Variants in DNAJB6 observed in about 807,000 individuals in gnomAD.
The protein encoded by DNAJB6 is DnaJ heat shock protein family (Hsp40) member B6, also known as dnaJ homolog subfamily B member 6.
Under a neutral mutation model 42.7 loss-of-function variants are expected in DNAJB6, and 16 were observed. The observed-to-expected ratio is 0.37, with a 90% CI of 0.25 to 0.57. The LOEUF is 0.57. Ranked by LOEUF, DNAJB6 falls within the 20% of genes least tolerant of loss-of-function variation. DNAJB6 has a pLI of 0.74. For missense variants in DNAJB6, 347 were observed against 416.8 expected, an observed-to-expected ratio of 0.83 and a Z score of 1.46; for synonymous variants, 170 against 163.5, an observed-to-expected ratio of 1.04 and a Z score of -0.30.
chr7:157,360,365 C>T (rs912940239), intron 2 of DNAJB6, among the ~76,000 whole-genome samples: 7 of 152,184 alleles, frequency 4.6e-5, no homozygotes, highest in Non-Finnish European at 1.0e-4. Context: ...CTGGGTCCCT[C>T]GCATAACACC....
At chr7:157,359,319 C>A (rs139472199) in intron 2 of DNAJB6, among the ~76,000 whole-genome samples, 144 of 152,292 alleles carry the variant, frequency 9.5e-4, no homozygotes, top group African/African-American at 3.3e-3. Context: ...TACTGCTAGA[C>A]TTAGTGGGTC....
intron 5 of DNAJB6, among the ~76,000 whole-genome samples, chr7:157,371,315 A>G (rs1378626228): frequency 6.6e-6 from 1 of 152,242 alleles, no homozygotes; most frequent in Non-Finnish European, 1.5e-5. Context: ...GCTGTAAGAT[A>G]TTTCCGAGCT....
intron 8 of DNAJB6, 62 bp downstream of exon 8, chr7:157,385,673 TTAAAC>T (rs1801018979): frequency 6.2e-7 from 1 of 1,603,962 alleles, no homozygotes; most frequent in Non-Finnish European, 8.5e-7. Flanking sequence ...AACAGAAATG[TTAAAC>T]TATAACAAGC....
chr7:157,355,805 G>A (rs1266793029), intron 1 of DNAJB6, among the ~76,000 whole-genome samples: 1 of 152,190 alleles, frequency 6.6e-6, no homozygotes, highest in Non-Finnish European at 1.5e-5. Context: ...ATGGAGTGCT[G>A]CATGAATACC....
At chr7:157,352,742 G>A (rs1459684339) in intron 1 of DNAJB6, among the ~76,000 whole-genome samples, 2 of 152,122 alleles carry the variant, frequency 1.3e-5, no homozygotes, top group Non-Finnish European at 2.9e-5. Context: ...GGAGCTCAGG[G>A]CTTTCTTCCC....
chr7:157,346,316 TAAAAAAAAA>T lies in DNAJB6; in HGVS notation c.-27+9185_-27+9193del, dbSNP rs60806134. Among the ~76,000 whole-genome samples the T allele has an allele frequency of 4.0e-3, 471 of 117,724 alleles. 16 individuals carry two copies. The highest frequency in any genetic ancestry group is 1.6e-3 in the African/African-American group (53 of 33,670). 77.2% of individuals were successfully genotyped at this position (117,724 alleles called of 152,430 possible). ...GGTAGCCCTGCTCTGCAAGGAGTAG[TAAAAAAAAA>T]AAAAAAAAAAAAGTTAAAGATACAA... On this transcript the variant is annotated intron_variant, in intron 1 of 9. Coordinates refer to ENST00000262177, the MANE Select transcript of DNAJB6 (RefSeq NM_058246.4).
chr7:157,349,489 C>CT (rs58835521), intron 1 of DNAJB6, among the ~76,000 whole-genome samples: 63,161 of 148,462 alleles, frequency 0.43, 14,740 homozygotes, highest in East Asian at 0.62. Context: ...AGTTTTATTA[C>CT]TTTTTTTTTT....
chr7:157,358,757 G>A (rs1799434425), intron 2 of DNAJB6, 120 bp downstream of exon 2: 5 of 753,394 alleles, frequency 6.6e-6, no homozygotes, highest in African/African-American at 1.8e-5. Flanking sequence ...GTCTTTGAAT[G>A]CCACATAGTT....
At chr7:157,391,321 A>C (rs1235196062) in intron 8 of DNAJB6, among the ~76,000 whole-genome samples, 2 of 152,236 alleles carry the variant, frequency 1.3e-5, no homozygotes, top group Non-Finnish European at 2.9e-5. Flanking sequence ...CCTCTTACCC[A>C]AAACTTCCAG....
chr7:157,381,375 T>C (rs1262675193), intron 5 of DNAJB6: 5 of 152,114 alleles, frequency 3.3e-5, no homozygotes, highest in Admixed American at 1.3e-4. Context: ...TTCCCATTTT[T>C]CTGAAAAAAT....
At chr7:157,349,835 G>A (rs997674428) in intron 1 of DNAJB6, among the ~76,000 whole-genome samples, 1 of 152,082 alleles carries the variant, frequency 6.6e-6, no homozygotes, top group African/African-American at 2.4e-5. Context: ...AGTAGAGACG[G>A]TTTCGTCATG....
At chr7:157,356,448 T>C (rs961031467) in intron 1 of DNAJB6, among the ~76,000 whole-genome samples, 1 of 152,202 alleles carries the variant, frequency 6.6e-6, no homozygotes, top group Non-Finnish European at 1.5e-5. Flanking sequence ...GACTCCTGTC[T>C]TTTCTCTAGA....
chr7:157,406,838 G>A lies in DNAJB6; in HGVS notation c.692-2957G>A, dbSNP rs1198074312. On this transcript the variant is annotated intron_variant, in intron 8 of 9. Transcript: ENST00000262177. ...CAAAATATCAGTCTTAAGTCTCAGC[G>A]GGGCCTTTTTCTAAACAGACGGTAA... Among the ~76,000 whole-genome samples, 4 of 152,320 alleles carry A rather than the reference G, an allele frequency of 2.6e-5. No homozygotes were observed. In the South Asian group the frequency reaches 6.2e-4, roughly 24 times the overall value.
chr7:157,350,341 A>C (rs1256067536), intron 1 of DNAJB6, among the ~76,000 whole-genome samples: 1 of 152,212 alleles, frequency 6.6e-6, no homozygotes, highest in Non-Finnish European at 1.5e-5. Flanking sequence ...ACTTGCCAAG[A>C]TAAAGCCCCC....
At chr7:157,389,924 A>G (rs988099975) in intron 8 of DNAJB6, among the ~76,000 whole-genome samples, 2 of 152,210 alleles carry the variant, frequency 1.3e-5, no homozygotes, top group Admixed American at 1.3e-4. Context: ...GGCCTGGGCA[A>G]GTTGCACACT....
chr7:157,343,306 C>T (rs1024886720), intron 1 of DNAJB6, among the ~76,000 whole-genome samples: 1 of 151,840 alleles, frequency 6.6e-6, no homozygotes, highest in African/African-American at 2.4e-5. Flanking sequence ...ACTACAGGCG[C>T]TCACCACCAT....
At chr7:157,359,634 G>A (rs1202220145) in intron 2 of DNAJB6, among the ~76,000 whole-genome samples, 1 of 152,080 alleles carries the variant, frequency 6.6e-6, no homozygotes, top group Admixed American at 6.6e-5. Flanking sequence ...GACCAGCCTG[G>A]GCAACAAAAT....
chr7:157,366,648 A>AT (rs1441680276), intron 4 of DNAJB6, 87 bp downstream of exon 4: 1 of 1,267,208 alleles, frequency 7.9e-7, no homozygotes, highest in East Asian at 2.3e-5. Context: ...GTCAGAGTCG[A>AT]TTTTGTATCA....
chr7:157,376,982 CTG>C (rs1800508875), intron 5 of DNAJB6, among the ~76,000 whole-genome samples: 2 of 152,166 alleles, frequency 1.3e-5, no homozygotes, highest in Non-Finnish European at 2.9e-5. Context: ...AAAACATTTT[CTG>C]GTTGACAATT....
Sources: allele counts gnomAD v4.1 joint callset (sites outside exome capture counted in the v4.1 genomes callset), GRCh38; gene constraint gnomAD v4.1.1; transcripts MANE v1.5; gene names NCBI Gene and HGNC (gene_info 2026-07-23, HGNC 2026-07-21).